Variants in DNAH2 observed in about 807,000 individuals in gnomAD.
DNAH2 encodes dynein axonemal heavy chain 2, also known as axonemal beta dynein heavy chain 2.
In DNAH2, 323 loss-of-function variants were observed where a neutral mutation model predicts 523.5. The observed-to-expected ratio is 0.62, with a 90% CI of 0.56 to 0.68. The LOEUF (loss-of-function observed/expected upper bound fraction) is 0.68, where lower values mean the gene tolerates loss of function less well. Among genes scored for constraint, DNAH2 ranks in the 30% least tolerant of loss-of-function variants. The probability of loss-of-function intolerance (pLI) is 0.00; values close to 1 mark genes in which losing one functional copy is unlikely to be tolerated. For synonymous variants in DNAH2, 2,093 were observed against 2,177.4 expected, an observed-to-expected ratio of 0.96 and a Z score of 1.08; for missense variants, 4,907 against 5,701.5, an observed-to-expected ratio of 0.86 and a Z score of 4.49.
intron 49 of DNAH2, 109 bp from the exon 50 acceptor site, chr17:7,796,354 AT>A (rs1245972343): frequency 1.3e-4 from 166 of 1,288,176 alleles, no homozygotes; most frequent in East Asian, 1.8e-4. Context: ...CGGCCCTAGG[AT>A]TTTTTTTGAC....
chr17:7,751,151 AT>A (rs1375103812), intron 12 of DNAH2, among the ~76,000 whole-genome samples: 54 of 145,620 alleles, frequency 3.7e-4, no homozygotes, highest in African/African-American at 1.0e-3. Context: ...TTATTTATTC[AT>A]TTTTTTTTTG....
At chr17:7,815,703 T>C (rs1013985652) in intron 63 of DNAH2, among the ~76,000 whole-genome samples, 9 of 146,056 alleles carry the variant, frequency 6.2e-5, no homozygotes, top group African/African-American at 1.0e-4. Flanking sequence ...ATCACACACA[T>C]GTATACGGGA....
intron 2 of DNAH2, among the ~76,000 whole-genome samples, chr17:7,721,931 C>G (rs1040828914): frequency 1.3e-5 from 2 of 152,204 alleles, no homozygotes; most frequent in African/African-American, 4.8e-5. Context: ...GGGCCAGAAG[C>G]TGTATGCCTG....
chr17:7,769,590 A>G (rs2076261213), intron 24 of DNAH2, among the ~76,000 whole-genome samples: 1 of 152,234 alleles, frequency 6.6e-6, no homozygotes, highest in Non-Finnish European at 1.5e-5. Context: ...TTACAAATAC[A>G]TCCTCTTCAT....
chr17:7,766,724 T>G (rs1445203395), intron 22 of DNAH2, among the ~76,000 whole-genome samples: 1 of 141,282 alleles, frequency 7.1e-6, no homozygotes, highest in African/African-American at 2.6e-5. Flanking sequence ...CTCGGCTCAC[T>G]ATAACCTCTG....
intron 48 of DNAH2, among the ~76,000 whole-genome samples, chr17:7,793,759 C>T (rs1002170304): frequency 9.9e-5 from 15 of 151,934 alleles, no homozygotes; most frequent in African/African-American, 2.4e-4. Context: ...GCCATGCTCC[C>T]GGCTGCTTCT....
At chr17:7,783,926 T>C (rs1353440823) in intron 39 of DNAH2, among the ~76,000 whole-genome samples, 1 of 152,146 alleles carries the variant, frequency 6.6e-6, no homozygotes, top group Non-Finnish European at 1.5e-5. Context: ...ACTGATACTT[T>C]ATAATGTTTA....
chr17:7,788,574 T>C (rs748361667), intron 44 of DNAH2, among the ~76,000 whole-genome samples: 15 of 152,202 alleles, frequency 9.9e-5, no homozygotes, highest in African/African-American at 2.4e-4. Context: ...CTTCAAAATA[T>C]AAGTTTTGGC....
At chr17:7,778,207 G>A in intron 34 of DNAH2, 27 bp downstream of exon 34, 2 of 1,614,174 alleles carry the variant, frequency 1.2e-6, no homozygotes, top group South Asian at 2.2e-5. Context: ...GAATGAGGTG[G>A]CTGGGGTGGG....
intron 44 of DNAH2, among the ~76,000 whole-genome samples, chr17:7,789,917 T>C (rs1051907035): frequency 1.3e-5 from 2 of 152,214 alleles, no homozygotes; most frequent in African/African-American, 4.8e-5. Context: ...ATCGGTATTC[T>C]GGATTGGACG....
intron 11 of DNAH2, among the ~76,000 whole-genome samples, chr17:7,741,327 T>TTCC (rs2075339736): frequency 2.0e-5 from 1 of 51,168 alleles, no homozygotes; most frequent in Middle Eastern, 8.9e-3. Flanking sequence ...CCCTCCCTCC[T>TTCC]TCCTTCCTTC....
intron 24 of DNAH2, among the ~76,000 whole-genome samples, chr17:7,769,393 C>T (rs1252280436): frequency 6.6e-6 from 1 of 152,146 alleles, no homozygotes; most frequent in Non-Finnish European, 1.5e-5. Flanking sequence ...AACTCCTGGC[C>T]TCAAGTGATC....
In DNAH2 at chr17:7,810,620, C is replaced by G. The variant is rs546604142; in HGVS notation, c.9729+3034C>G. ...GCCAGGCTGGTCTTGAACTTCTTAC[C>G]TCAAGTGATCTGCCCGTCTCGGCCT... On this transcript the variant is annotated intron_variant, in intron 63 of 85. Transcript: ENST00000572933. Among the ~76,000 whole-genome samples, 145 of 152,182 alleles carry G rather than the reference C, an allele frequency of 9.5e-4. 1 individual carries two copies. The highest frequency in any genetic ancestry group is 3.3e-3 in the African/African-American group (135 of 41,500).
intron 44 of DNAH2, among the ~76,000 whole-genome samples, chr17:7,788,952 G>T (rs945231410): frequency 6.6e-6 from 1 of 152,150 alleles, no homozygotes. Context: ...ATCACCTGAG[G>T]TCAGGAGTTC....
chr17:7,792,881 C>G (rs781070061), intron 47 of DNAH2, 26 bp downstream of exon 47: 1 of 1,606,166 alleles, frequency 6.2e-7, no homozygotes. Flanking sequence ...AGGGGCCAGG[C>G]TGCCGGCTCC....
intron 12 of DNAH2, among the ~76,000 whole-genome samples, chr17:7,744,060 A>C (rs1210283948): frequency 1.3e-5 from 2 of 152,018 alleles, no homozygotes; most frequent in African/African-American, 4.8e-5. Flanking sequence ...GGCTGTGGCT[A>C]CTAGTGTTGG....
At chr17:7,816,769 C>T in intron 64 of DNAH2, 34 bp downstream of exon 64, 1 of 1,604,652 alleles carries the variant, frequency 6.2e-7, no homozygotes, top group South Asian at 1.1e-5. Flanking sequence ...TGTCCTTTCA[C>T]TCTGCTCGCC....
At chr17:7,775,004 C>T (rs770860234) in intron 29 of DNAH2, 28 bp downstream of exon 29, 1 of 1,607,604 alleles carries the variant, frequency 6.2e-7, no homozygotes, top group Non-Finnish European at 8.5e-7. Flanking sequence ...CAGTGAGATG[C>T]TGGGTGGCGA....
chr17:7,778,810 C>T (rs2076528403), intron 35 of DNAH2, among the ~76,000 whole-genome samples: 1 of 152,068 alleles, frequency 6.6e-6, no homozygotes, highest in Non-Finnish European at 1.5e-5. Context: ...CTTAGGTGAT[C>T]CACCTGTCTT....
Sources: gnomAD v4.1 joint callset for allele counts (sites outside exome capture counted in the v4.1 genomes callset) on GRCh38, gnomAD v4.1.1 for gene constraint, MANE v1.5 for transcripts, NCBI Gene and HGNC (gene_info 2026-07-23, HGNC 2026-07-21) for gene names.